Variants in HMBOX1 observed in about 807,000 individuals in gnomAD.
The protein encoded by HMBOX1 is homeobox containing 1.
HMBOX1 carries 14 observed loss-of-function variants against 54.5 expected under a neutral mutation model. The observed-to-expected ratio is 0.26, with a 90% CI of 0.17 to 0.40. The LOEUF (loss-of-function observed/expected upper bound fraction) is 0.40, where lower values mean the gene tolerates loss of function less well. HMBOX1 is among the 10% of genes least tolerant of loss of function. HMBOX1 has a pLI of 1.00. For synonymous variants in HMBOX1, 160 were observed against 181.0 expected (o/e 0.88, Z 0.93); for missense variants, 332 against 514.4 (o/e 0.65, Z 3.43).
intron 4 of HMBOX1, among the ~76,000 whole-genome samples, chr8:28,996,975 TGTTA>T (rs1294926850): frequency 6.6e-6 from 1 of 152,186 alleles, no homozygotes; most frequent in Non-Finnish European, 1.5e-5. Context: ...TGAATTCATT[TGTTA>T]GTTCTAATGG....
chr8:28,904,078 T>C (rs776692705), intron 1 of HMBOX1, among the ~76,000 whole-genome samples: 2 of 152,188 alleles, frequency 1.3e-5, no homozygotes, highest in Non-Finnish European at 2.9e-5. Context: ...GGCCAACGCC[T>C]TTTCTTTGTG....
intron 6 of HMBOX1, among the ~76,000 whole-genome samples, chr8:29,036,169 T>C (rs1241693178): frequency 2.6e-5 from 4 of 152,220 alleles, no homozygotes; most frequent in African/African-American, 9.6e-5. Context: ...ATTAGCATGC[T>C]GCAAGTAAAT....
intron 4 of HMBOX1, among the ~76,000 whole-genome samples, chr8:28,995,242 CAT>C (rs1240636209): frequency 6.6e-6 from 1 of 152,176 alleles, no homozygotes; most frequent in African/African-American, 2.4e-5. Flanking sequence ...AACTTCCGGA[CAT>C]TTCATAAGAT....
intron 1 of HMBOX1, among the ~76,000 whole-genome samples, chr8:28,916,928 T>C (rs561740312): frequency 1.6e-4 from 24 of 151,920 alleles, no homozygotes; most frequent in Admixed American, 4.6e-4. Flanking sequence ...TTAGCCAAAC[T>C]TAGTGATGCA....
chr8:29,029,761 T>A (rs1802621844), intron 6 of HMBOX1, among the ~76,000 whole-genome samples: 1 of 152,260 alleles, frequency 6.6e-6, no homozygotes, highest in South Asian at 2.1e-4. Context: ...ATTGAACTTC[T>A]CAGCCCTTTA....
At chr8:28,997,766 G>C (rs913845449) in intron 4 of HMBOX1, among the ~76,000 whole-genome samples, 5 of 152,066 alleles carry the variant, frequency 3.3e-5, no homozygotes, top group African/African-American at 1.2e-4. Context: ...GCCCAGGCTG[G>C]TCTTGAACTC....
chr8:29,034,221 G>A (rs1455073507), intron 6 of HMBOX1, among the ~76,000 whole-genome samples: 1 of 152,170 alleles, frequency 6.6e-6, no homozygotes, highest in Admixed American at 6.5e-5. Flanking sequence ...TTAGTGGTAG[G>A]AGGCATCTAA....
intron 1 of HMBOX1, among the ~76,000 whole-genome samples, chr8:28,898,585 A>G (rs1269835141): frequency 2.0e-5 from 3 of 152,230 alleles, no homozygotes; most frequent in Non-Finnish European, 4.4e-5. Flanking sequence ...CGTTCTGGTG[A>G]TAAATGGTTT....
chr8:29,038,360 ATTTAT>A (rs1285334126), intron 6 of HMBOX1, among the ~76,000 whole-genome samples: 1 of 151,942 alleles, frequency 6.6e-6, no homozygotes, highest in Non-Finnish European at 1.5e-5. Flanking sequence ...TGCCCTCTGG[ATTTAT>A]TTTATCATTT....
At chr8:28,917,039 C>T (rs1816693149) in intron 1 of HMBOX1, among the ~76,000 whole-genome samples, 1 of 149,848 alleles carries the variant, frequency 6.7e-6, no homozygotes, top group Non-Finnish European at 1.5e-5. Flanking sequence ...TGCACTCCAG[C>T]CTGGGTGACA....
At chr8:28,980,284 C>T (rs1829121689) in intron 4 of HMBOX1, 128 bp downstream of exon 4, 1 of 714,880 alleles carries the variant, frequency 1.4e-6, no homozygotes. Context: ...ATTATGTATG[C>T]CTGTGATTTA....
At chr8:28,977,081 T>C (rs1586221864) in intron 3 of HMBOX1, among the ~76,000 whole-genome samples, 1 of 152,242 alleles carries the variant, frequency 6.6e-6, no homozygotes, top group Non-Finnish European at 1.5e-5. Flanking sequence ...TGCTACTGTT[T>C]GACAGATTTT....
At chr8:28,960,753 C>CTTTT (rs1023356056) in intron 1 of HMBOX1, among the ~76,000 whole-genome samples, 7 of 65,636 alleles carry the variant, frequency 1.1e-4, no homozygotes, top group African/African-American at 3.1e-4. Flanking sequence ...TTCTCTTTTT[C>CTTTT]TTTTTCTTTT....
rs577974156 is a variant in HMBOX1 at position 29,031,026 on chromosome 8, A to G, written c.851+12113A>G. On this transcript the variant is annotated intron_variant, in intron 6 of 9. Transcript: ENST00000287701. ...TCTTCCTTATAAATGAGAAAACTAA[A>G]AACTCACCTTCCTACTGCTTAGAAG... 2.0e-5 allele frequency among the ~76,000 whole-genome samples: 3 copies of G among 152,322 alleles called. No individual in the cohort carries two copies. In the South Asian group the frequency reaches 6.2e-4, roughly 32 times the overall value.
intron 4 of HMBOX1, among the ~76,000 whole-genome samples, chr8:28,982,676 A>G (rs992854457): frequency 4.0e-5 from 6 of 150,824 alleles, no homozygotes; most frequent in Non-Finnish European, 8.9e-5. Context: ...CCCAAGCTAG[A>G]GTGCAATGGT....
At position 29,051,685 on chromosome 8, in the gene HMBOX1, TG is replaced by T. The variant is rs1349533534; in HGVS notation, c.*531del. On this transcript the variant is annotated 3_prime_UTR_variant, in exon 10 of 10. Coordinates refer to ENST00000287701, the MANE Select transcript of HMBOX1 (RefSeq NM_001135726.3). ...ATTGATTTCCAGCTGCAATAAGCCGTGCCTCATTATAGCCACACTGTGGCTA... is the reference window on the plus strand; with the variant it reads ...ATTGATTTCCAGCTGCAATAAGCCGTCCTCATTATAGCCACACTGTGGCTA... 11 of 696,424 alleles carry T rather than the reference TG, an allele frequency of 1.6e-5. No individual in the cohort carries two copies. The highest frequency in any genetic ancestry group is 2.9e-5 in the Non-Finnish European group (11 of 379,842). The allele number at this position is 696,424 out of a possible 1,614,324, so 43.1% of individuals were successfully genotyped here. A position where few individuals can be genotyped will look rare whatever the true frequency, so the allele number is the denominator to read the frequency against.
intron 6 of HMBOX1, among the ~76,000 whole-genome samples, chr8:29,024,469 A>G (rs1801705457): frequency 6.6e-6 from 1 of 152,184 alleles, no homozygotes; most frequent in Non-Finnish European, 1.5e-5. Flanking sequence ...TCTGTTAGAT[A>G]ATAGCGGTAG....
intron 1 of HMBOX1, among the ~76,000 whole-genome samples, chr8:28,900,272 ATAT>A (rs1325073220): frequency 6.0e-5 from 2 of 33,412 alleles, no homozygotes; most frequent in African/African-American, 1.8e-4. Context: ...AAAAAAAAAA[ATAT>A]ATATATATAT....
At chr8:29,042,478 G>GC (rs1804982871) in intron 6 of HMBOX1, among the ~76,000 whole-genome samples, 2 of 152,176 alleles carry the variant, frequency 1.3e-5, no homozygotes, top group Non-Finnish European at 2.9e-5. Context: ...GGGTAAGAGA[G>GC]TGTAAAGTTT....
Sources: allele counts gnomAD v4.1 joint callset (sites outside exome capture counted in the v4.1 genomes callset), GRCh38; gene constraint gnomAD v4.1.1; transcripts MANE v1.5; gene names NCBI Gene and HGNC (gene_info 2026-07-23, HGNC 2026-07-21).